MGST2: variants seen among roughly 807,000 people sequenced by gnomAD.
MGST2 encodes the protein glutathione peroxidase MGST2.
Under a neutral mutation model 16.6 loss-of-function variants are expected in MGST2, and 9 were observed. That is an observed-to-expected ratio of 0.54 (90% CI 0.33 to 0.95). MGST2 has a LOEUF of 0.95. Among genes scored for constraint, MGST2 ranks in the 40% least tolerant of loss-of-function variants. The pLI is 0.03. For missense variants in MGST2, 159 were observed against 175.1 expected (o/e 0.91, Z 0.52); for synonymous variants, 79 against 68.0 (o/e 1.16, Z -0.79).
At chr4:139,752,560 G>A in the MGST2 span, among the ~76,000 whole-genome samples, 1 of 152,164 alleles carries the variant, frequency 6.6e-6, no homozygotes, top group African/African-American at 2.4e-5. Context: ...CAGGTCATGG[G>A]AAGCTTTGGA....
downstream of MGST2, among the ~76,000 whole-genome samples, chr4:139,741,836 C>T (rs531452494): frequency 1.6e-3 from 247 of 152,144 alleles, 1 homozygote; most frequent in Non-Finnish European, 1.9e-3. Flanking sequence ...ATCTTGTGCA[C>T]GGTATAATTG....
chr4:139,713,539 T>C (rs1205003031), intron 5 of MGST2, among the ~76,000 whole-genome samples: 1 of 151,652 alleles, frequency 6.6e-6, no homozygotes, highest in Non-Finnish European at 1.5e-5. Context: ...AAAACCTTTT[T>C]CCAGAAAAAC....
intron 1 of MGST2, among the ~76,000 whole-genome samples, chr4:139,673,898 A>G (rs1730833319): frequency 6.6e-6 from 1 of 152,202 alleles, no homozygotes; most frequent in Admixed American, 6.5e-5. Flanking sequence ...AAGGTATAGG[A>G]AAGATAATAA....
Position 139,735,937 on chromosome 4 carries a change from T to A in MGST2, c.*49-4275T>A, listed in dbSNP as rs1451335839. 3.9e-5 allele frequency among the ~76,000 whole-genome samples: 6 copies of A among 152,082 alleles called. No homozygotes were observed. The highest frequency in any genetic ancestry group is 7.4e-5 in the Non-Finnish European group (5 of 68,000). ...CGCGCCGCTCGGGAGCCCGCGAGGC[T>A]GCGGTGTGCTCCAGCGGGCGCATTT... On this transcript the variant is annotated intron_variant, in intron 5 of 5. Coordinates refer to the MGST2 transcript ENST00000616265. This position sits in a 1 kb window ranked among gnomAD's most constrained non-coding sequence, Gnocchi z 5.8.
chr4:139,717,088 T>G (rs935760762), intron 5 of MGST2: 4 of 152,516 alleles, frequency 2.6e-5, no homozygotes, highest in Non-Finnish European at 1.5e-5. Context: ...CCCAGTGATA[T>G]CTGCAGTATT....
chr4:139,673,145 A>G (rs1240049392), intron 1 of MGST2, among the ~76,000 whole-genome samples: 3 of 152,240 alleles, frequency 2.0e-5, no homozygotes, highest in East Asian at 1.9e-4. Context: ...TTGAGGTACT[A>G]AAACAAGTCA....
intron 5 of MGST2, chr4:139,740,203 CTG>C (rs1284201663): frequency 6.6e-6 from 1 of 152,280 alleles, no homozygotes; most frequent in Non-Finnish European, 1.5e-5. Context: ...TGGCTTTTCT[CTG>C]TCTTAGGCTT....
the MGST2 span, among the ~76,000 whole-genome samples, chr4:139,747,857 A>G: frequency 6.6e-6 from 1 of 151,558 alleles, no homozygotes; most frequent in Non-Finnish European, 1.5e-5. Context: ...AGTTCGACAC[A>G]AGCCTGATCG....
At chr4:139,752,374 C>A in the MGST2 span, among the ~76,000 whole-genome samples, 1 of 152,192 alleles carries the variant, frequency 6.6e-6, no homozygotes, top group African/African-American at 2.4e-5. Flanking sequence ...GGCTCCTATA[C>A]AACCACCAGG....
chr4:139,672,490 A>C (rs1294171295), intron 1 of MGST2, among the ~76,000 whole-genome samples: 1 of 152,012 alleles, frequency 6.6e-6, no homozygotes, highest in Non-Finnish European at 1.5e-5. Context: ...GGAGACAGTC[A>C]GGGCCCATCT....
At chr4:139,713,467 G>T (rs1727812703) in intron 5 of MGST2, among the ~76,000 whole-genome samples, 1 of 99,880 alleles carries the variant, frequency 1.0e-5, no homozygotes, top group African/African-American at 4.1e-5. Flanking sequence ...ATTAAGAGTG[G>T]CAAGACAGAA....
intron 5 of MGST2, among the ~76,000 whole-genome samples, chr4:139,736,285 C>G (rs1267914575): frequency 6.6e-6 from 1 of 152,194 alleles, no homozygotes; most frequent in African/African-American, 2.4e-5. Context: ...TGCAAAGATA[C>G]TATTGAAAGT....
the MGST2 span, among the ~76,000 whole-genome samples, chr4:139,746,229 G>A: frequency 1.3e-5 from 2 of 152,242 alleles, no homozygotes; most frequent in South Asian, 2.1e-4. Flanking sequence ...AATTAACATG[G>A]CATGTATTCC....
At chr4:139,738,100 C>T (rs1175367287) in intron 5 of MGST2, among the ~76,000 whole-genome samples, 1 of 152,258 alleles carries the variant, frequency 6.6e-6, no homozygotes, top group East Asian at 1.9e-4. Flanking sequence ...TCAGCTCCAC[C>T]ATGGGCCCAG....
intron 5 of MGST2, among the ~76,000 whole-genome samples, chr4:139,724,867 TTGTGCCTCAACC>T (rs1728401769): frequency 6.6e-6 from 1 of 151,956 alleles, no homozygotes; most frequent in Non-Finnish European, 1.5e-5. Context: ...CAAGCGATTC[TTGTGCCTCAACC>T]TCCTAAGTAA....
At chr4:139,752,437 C>T in the MGST2 span, among the ~76,000 whole-genome samples, 2 of 152,150 alleles carry the variant, frequency 1.3e-5, no homozygotes, top group African/African-American at 4.8e-5. Flanking sequence ...CACCCTGGAC[C>T]TAGCCTGGCT....
At chr4:139,724,774 TC>T (rs1478130367) in intron 5 of MGST2, among the ~76,000 whole-genome samples, 1 of 122,752 alleles carries the variant, frequency 8.1e-6, no homozygotes, top group East Asian at 2.4e-4. Context: ...CCCTCAAGGG[TC>T]TTTTTTTTTT....
rs535392175 is a variant in MGST2, at chr4:139,721,579, A to T, written c.*48+17383A>T. On this transcript the variant is annotated intron_variant, in intron 5 of 5. Coordinates refer to the MGST2 transcript ENST00000616265. ...ATGTTTTTGTCTTCCTGATGTGGCT[A>T]TTGATTTCTGGGCTGCAAATATGTC... Among the ~76,000 whole-genome samples, 139 of 152,232 alleles carry T rather than the reference A, an allele frequency of 9.1e-4. 2 individuals carry two copies. Among genetic ancestry groups the T allele is most frequent in the African/African-American group, 3.2e-3 (135 of 41,544 alleles).
intron 1 of MGST2, among the ~76,000 whole-genome samples, chr4:139,677,284 C>T (rs1731011392): frequency 6.6e-6 from 1 of 152,156 alleles, no homozygotes; most frequent in Non-Finnish European, 1.5e-5. Context: ...GACATGTGCC[C>T]AAGATGGTCA....
Sources: gnomAD v4.1 joint callset for allele counts (sites outside exome capture counted in the v4.1 genomes callset) on GRCh38, gnomAD v4.1.1 for gene constraint, Gnocchi (gnomAD v3.1) non-coding constraint, MANE v1.5 for transcripts, NCBI Gene and HGNC (gene_info 2026-07-23, HGNC 2026-07-21) for gene names.